NSD1: variants seen among roughly 807,000 people sequenced by gnomAD.
The protein encoded by NSD1 is nuclear receptor binding SET domain protein 1, also known as histone-lysine N-methyltransferase, H3 lysine-36 specific.
Under a neutral mutation model 242.7 loss-of-function variants are expected in NSD1, and 26 were observed. That is an observed-to-expected ratio of 0.11 (90% CI 0.08 to 0.15). NSD1 has a LOEUF of 0.15. NSD1 is among the 10% of genes least tolerant of loss of function. NSD1 has a pLI of 1.00. For synonymous variants in NSD1, 1,106 were observed against 1,178.1 expected (o/e 0.94, Z 1.25); for missense variants, 2,495 against 3,272.8 (o/e 0.76, Z 5.80).
intron 6 of NSD1, among the ~76,000 whole-genome samples, chr5:177,237,082 A>G (rs941846521): frequency 6.6e-6 from 1 of 152,110 alleles, no homozygotes; most frequent in Non-Finnish European, 1.5e-5. Flanking sequence ...GGCTCCAGTG[A>G]TCTTTCTGCC....
At position 177,210,910 on chromosome 5, in the gene NSD1, A is replaced by G. The variant is rs745695158; in HGVS notation, c.2511A>G (p.Lys837=). 2.5e-6 allele frequency: 4 copies of G among 1,614,142 alleles called. No individual in the cohort carries two copies. In the South Asian group the frequency reaches 4.4e-5, roughly 18 times the overall value. Residue 837 remains lysine (K), a synonymous_variant, in exon 5 of 23, where the codon AAA becomes AAG. Coordinates refer to ENST00000439151, the MANE Select transcript of NSD1 (RefSeq NM_022455.5). ...ISKSGKVDGL[K]LLNNMHEKTR... is the part of the protein sequence containing the mutation. ...AAAGTGGGAAAGTGGATGGTCTAAAACTACTGAACAATATGCATGAGAAAA... is the reference window on the plus strand; with the variant it reads ...AAAGTGGGAAAGTGGATGGTCTAAAGCTACTGAACAATATGCATGAGAAAA...
At chr5:177,278,047 G>C (rs901436621) in intron 17 of NSD1, among the ~76,000 whole-genome samples, 2 of 152,158 alleles carry the variant, frequency 1.3e-5, no homozygotes, top group Non-Finnish European at 2.9e-5. Context: ...TAAGCCTTAT[G>C]CCTTATGGCT....
In NSD1 at chr5:177,254,003, C is replaced by G. The variant is rs974236309; in HGVS notation, c.4765+2150C>G. On this transcript the variant is annotated intron_variant, in intron 12 of 22. Transcript: ENST00000439151. Reference sequence around the variant, plus strand: ...AGAGTCTTGCACTGTCACCCGGGCTCGAGTGCAATGGCGCAGTCTCGGCAA... The same window carrying G: ...AGAGTCTTGCACTGTCACCCGGGCTGGAGTGCAATGGCGCAGTCTCGGCAA... Among the ~76,000 whole-genome samples, 3 of 152,098 alleles carry G rather than the reference C, an allele frequency of 2.0e-5. No individual in the cohort carries two copies. The South Asian group carries it at 6.2e-4, about 32-fold the overall frequency.
chr5:177,274,564 T>G (rs1384794440), intron 17 of NSD1, among the ~76,000 whole-genome samples: 1 of 152,078 alleles, frequency 6.6e-6, no homozygotes, highest in Non-Finnish European at 1.5e-5. Flanking sequence ...CATGAAAGAA[T>G]ATTGTTAGGC....
At chr5:177,154,765 G>A (rs1757986237) in intron 2 of NSD1, among the ~76,000 whole-genome samples, 1 of 152,034 alleles carries the variant, frequency 6.6e-6, no homozygotes, top group Admixed American at 6.6e-5. Flanking sequence ...GTGCGATCTC[G>A]GCTCACTGCA....
At chr5:177,259,345 G>C (rs187681468) in intron 13 of NSD1, among the ~76,000 whole-genome samples, 51 of 152,294 alleles carry the variant, frequency 3.3e-4, no homozygotes, top group African/African-American at 1.2e-3. Flanking sequence ...TGAGTGTGAT[G>C]GTGTACACCT....
intron 17 of NSD1, among the ~76,000 whole-genome samples, chr5:177,275,371 T>A (rs1366094221): frequency 6.6e-6 from 1 of 151,236 alleles, no homozygotes; most frequent in Non-Finnish European, 1.5e-5. Context: ...CCGTAAGAAA[T>A]CTAAAGTGTG....
intron 3 of NSD1, among the ~76,000 whole-genome samples, chr5:177,192,777 C>T (rs1470629956): frequency 6.6e-6 from 1 of 152,092 alleles, no homozygotes; most frequent in African/African-American, 2.4e-5. Context: ...GTGATCCGCC[C>T]GCCTTAGACT....
chr5:177,271,116 T>C (rs1757914180), intron 16 of NSD1, among the ~76,000 whole-genome samples: 1 of 152,148 alleles, frequency 6.6e-6, no homozygotes, highest in African/African-American at 2.4e-5. Flanking sequence ...AGGGGGTTTC[T>C]AGGTGCCTCT....
chr5:177,191,240 G>A (rs911849901), intron 2 of NSD1, among the ~76,000 whole-genome samples: 11 of 152,146 alleles, frequency 7.2e-5, no homozygotes, highest in African/African-American at 2.7e-4. Context: ...AAAGTGCTGG[G>A]ATTACAGGCA....
intron 12 of NSD1, among the ~76,000 whole-genome samples, chr5:177,254,796 TA>T (rs33931652): frequency 0.86 from 131,207 of 152,164 alleles, 57,096 homozygotes; most frequent in African/African-American, 0.92. Flanking sequence ...TGTTTTGTAT[TA>T]AAGTTTTGCA....
intron 4 of NSD1, among the ~76,000 whole-genome samples, chr5:177,204,632 C>G (rs533227627): frequency 1.1e-4 from 17 of 152,314 alleles, no homozygotes; most frequent in African/African-American, 3.8e-4. Flanking sequence ...GCCACTGTGC[C>G]TGGCCCGGCC....
chr5:177,241,727 CTGTT>C (rs1765887134), intron 8 of NSD1, among the ~76,000 whole-genome samples: 1 of 152,088 alleles, frequency 6.6e-6, no homozygotes, highest in South Asian at 2.1e-4. Flanking sequence ...GTCCTCTTGT[CTGTT>C]TGGGAGTCTG....
rs1490786327 is a variant in NSD1 at position 177,299,559 on chromosome 5, C to T, written c.*4100C>T. 4.3e-6 allele frequency: 1 copy of T among 233,214 alleles called. No homozygotes were observed. Among genetic ancestry groups the T allele is most frequent in the East Asian group, 6.0e-5 (1 of 16,602 alleles). The allele number at this position is 233,214 out of a possible 1,614,324, so 14.4% of individuals were successfully genotyped here. A position where few individuals can be genotyped will look rare whatever the true frequency, so the allele number is the denominator to read the frequency against. The stretch of plus-strand genomic sequence containing the variant: ...CTACCTCTTCCACTCATGGAAGCCC[C>T]TCTACTGCTTATGAAGATTAAGGGT... On this transcript the variant is annotated 3_prime_UTR_variant, in exon 23 of 23. Transcript: ENST00000439151.
chr5:177,153,125 G>C, intron 2 of NSD1, among the ~76,000 whole-genome samples: 1 of 152,014 alleles, frequency 6.6e-6, no homozygotes, highest in East Asian at 1.9e-4. Flanking sequence ...CTTTGGAGGA[G>C]AAGATAATTG....
chr5:177,274,202 C>T (rs1378568157), intron 17 of NSD1, among the ~76,000 whole-genome samples: 3 of 152,154 alleles, frequency 2.0e-5, no homozygotes, highest in South Asian at 2.1e-4. Flanking sequence ...CCATTCCTAG[C>T]GCATTGCCAG....
chr5:177,183,890 T>G (rs1345868192), intron 2 of NSD1, among the ~76,000 whole-genome samples: 1 of 152,216 alleles, frequency 6.6e-6, no homozygotes, highest in East Asian at 1.9e-4. Flanking sequence ...ACACATGAAG[T>G]TGGTCTTTCT....
intron 17 of NSD1, among the ~76,000 whole-genome samples, chr5:177,280,165 G>T (rs1758754143): frequency 6.6e-6 from 1 of 150,596 alleles, no homozygotes; most frequent in South Asian, 2.1e-4. Context: ...TTTTAGTAGA[G>T]ACGGGGTTTC....
At chr5:177,266,911 C>G (rs1196647355) in intron 14 of NSD1, among the ~76,000 whole-genome samples, 1 of 152,222 alleles carries the variant, frequency 6.6e-6, no homozygotes, top group East Asian at 1.9e-4. Context: ...GTCACCCTGG[C>G]TGGAGTGCAG....
Sources: allele counts gnomAD v4.1 joint callset (sites outside exome capture counted in the v4.1 genomes callset), GRCh38; gene constraint gnomAD v4.1.1; transcripts MANE v1.5; gene names NCBI Gene and HGNC (gene_info 2026-07-23, HGNC 2026-07-21).